TRMT9B: variants seen among roughly 807,000 people sequenced by gnomAD.
TRMT9B encodes probable tRNA methyltransferase 9B.
A neutral mutation model predicts 11.5 loss-of-function variants in TRMT9B; 16 were observed. The observed-to-expected ratio is 1.39, with a 90% CI of 0.94 to 2.11. The LOEUF is 2.11. Among genes scored for constraint, TRMT9B ranks in the 30% most tolerant of loss-of-function variants. The pLI is 0.00. For synonymous variants in TRMT9B, 274 were observed against 192.4 expected, an observed-to-expected ratio of 1.42 and a Z score of -3.51; for missense variants, 941 against 553.8, an observed-to-expected ratio of 1.70 and a Z score of -7.02.
At chr8:13,020,509 T>C (rs17786052) in intron 4 of TRMT9B, among the ~76,000 whole-genome samples, 7,319 of 152,306 alleles carry the variant, frequency 0.048, 227 homozygotes, top group South Asian at 0.093. Flanking sequence ...CTTTGCATTA[T>C]CTAGACAGAG....
chr8:13,011,779 G>A (rs529710121), intron 3 of TRMT9B: 23 of 952,568 alleles, frequency 2.4e-5, no homozygotes, highest in Non-Finnish European at 2.7e-5. Flanking sequence ...AATCTGAGTT[G>A]TATACTGGAC....
intron 1 of TRMT9B, chr8:12,952,323 G>C (rs907734537): frequency 2.9e-6 from 1 of 339,792 alleles, no homozygotes. Flanking sequence ...CGTCTAGCGC[G>C]TGCCCCGGAG....
At chr8:13,001,557 AT>A (rs1809462154) in intron 2 of TRMT9B, among the ~76,000 whole-genome samples, 1 of 152,258 alleles carries the variant, frequency 6.6e-6, no homozygotes, top group South Asian at 2.1e-4. Flanking sequence ...TTTTGGGGAC[AT>A]TCTTAAATTG....
chr8:13,012,981 A>T (rs1811939484), intron 4 of TRMT9B, 124 bp downstream of exon 4: 4 of 1,232,538 alleles, frequency 3.2e-6, no homozygotes, highest in Non-Finnish European at 4.2e-6. Flanking sequence ...TATCTAATTT[A>T]AAAAAATTGT....
chr8:13,020,961 G>C, intron 4 of TRMT9B, 47 bp from the exon 5 acceptor site: 2 of 1,307,332 alleles, frequency 1.5e-6, no homozygotes, highest in South Asian at 1.5e-5. Flanking sequence ...ACGTGTGTGG[G>C]TTTATGTGTG....
In TRMT9B at chr8:13,025,071, C is replaced by T. The variant is rs983293758; in HGVS notation, c.*3027C>T. On this transcript the variant is annotated 3_prime_UTR_variant, in exon 5 of 5. Transcript: ENST00000524591. ...CTTGCTTGATGATAGATTCTACTGA[C>T]CTAGCTGGAGTAATCTGATCACTTA... is the stretch of plus-strand genomic sequence containing the variant. 6.0e-6 allele frequency: 1 copy of T among 166,932 alleles called. No individual in the cohort carries two copies. Among genetic ancestry groups the T allele is most frequent in the Non-Finnish European group, 1.5e-5 (1 of 68,122 alleles). 10.3% of individuals were successfully genotyped at this position (166,932 alleles called of 1,614,324 possible). A position where few individuals can be genotyped will look rare whatever the true frequency, so the allele number is the denominator to read the frequency against.
At position 13,023,390 on chromosome 8, in the gene TRMT9B, G is replaced by A. The variant is rs1029171184; in HGVS notation, c.*1346G>A. On this transcript the variant is annotated 3_prime_UTR_variant, in exon 5 of 5. Transcript: ENST00000524591. ...TATCTGGGCATTTATTTTATTGAAGGTGACTACATTTTATTAGTTATATTA... is the reference window on the plus strand; with the variant it reads ...TATCTGGGCATTTATTTTATTGAAGATGACTACATTTTATTAGTTATATTA... 1.2e-5 allele frequency: 2 copies of A among 167,004 alleles called. No individual in the cohort carries two copies. The highest frequency in any genetic ancestry group is 1.5e-5 in the Non-Finnish European group (1 of 68,112). The allele number at this position is 167,004 out of a possible 1,614,324, so 10.3% of individuals were successfully genotyped here. A position where few individuals can be genotyped will look rare whatever the true frequency, so the allele number is the denominator to read the frequency against.
At chr8:13,012,939 G>A (rs907452636) in intron 4 of TRMT9B, 82 bp downstream of exon 4, 14 of 1,461,020 alleles carry the variant, frequency 9.6e-6, no homozygotes, top group African/African-American at 4.2e-5. Context: ...CTCAACATCC[G>A]TTCTGTGTAG....
intron 1 of TRMT9B, among the ~76,000 whole-genome samples, chr8:12,957,878 G>T (rs867121675): frequency 3.4e-4 from 51 of 152,176 alleles, no homozygotes; most frequent in African/African-American, 1.2e-3. Context: ...AACCATCGCT[G>T]CCATCCATCT....
At chr8:12,979,090 T>G (rs529312975) in intron 1 of TRMT9B, among the ~76,000 whole-genome samples, 103 of 152,270 alleles carry the variant, frequency 6.8e-4, no homozygotes, top group African/African-American at 2.4e-3. Context: ...TGGTGTGGAA[T>G]GGGCTGAGCT....
At chr8:12,963,732 G>A (rs1254531199) in intron 1 of TRMT9B, among the ~76,000 whole-genome samples, 1 of 152,220 alleles carries the variant, frequency 6.6e-6, no homozygotes, top group Non-Finnish European at 1.5e-5. Context: ...CTGCGCAGCA[G>A]AAGAAGACCC....
In TRMT9B at chr8:12,961,902, G is replaced by A. The variant is rs545001650; in HGVS notation, c.-200+15936G>A. ...TTTCACCCAGGCTTTTAGCAGGCGAGGAGAATATATTCAATCAGACTTCTC... is the reference window on the plus strand; with the variant it reads ...TTTCACCCAGGCTTTTAGCAGGCGAAGAGAATATATTCAATCAGACTTCTC... On this transcript the variant is annotated intron_variant, in intron 1 of 4. Transcript: ENST00000524591. 34 of 152,304 alleles carry A rather than the reference G, an allele frequency of 2.2e-4. 1 individual carries two copies. Among genetic ancestry groups the A allele is most frequent in the African/African-American group, 7.2e-4 (30 of 41,524 alleles). The allele number at this position is 152,304 out of a possible 1,614,324, so 9.4% of individuals were successfully genotyped here.
In TRMT9B at chr8:13,021,164, G is replaced by C; in HGVS notation, c.485G>C (p.Arg162Thr). The C allele has an allele frequency of 1.9e-6, 3 of 1,613,930 alleles. No homozygotes were observed. The highest frequency in any genetic ancestry group is 4.5e-5 in the East Asian group (2 of 44,880). Reference protein sequence around the residue: ...EKQDVLVPWNRALCSQLFSES... With the variant: ...EKQDVLVPWNTALCSQLFSES... ...CAAGACGTGCTTGTTCCATGGAACA[G>C]GGCTCTGTGTTCCCAGCTCTTCTCA... The change falls in exon 5 of 5, where the codon AGG (arginine) becomes ACG (threonine). Residue 162 changes from arginine (R) to threonine (T), a missense_variant. Coordinates refer to ENST00000524591, the MANE Select transcript of TRMT9B (RefSeq NM_020844.3).
At chr8:12,990,075 C>A (rs960286483) in intron 1 of TRMT9B, among the ~76,000 whole-genome samples, 8 of 152,116 alleles carry the variant, frequency 5.3e-5, no homozygotes, top group African/African-American at 1.9e-4. Context: ...ACGCACCCTG[C>A]CATCGTGAGA....
chr8:12,999,296 C>A (rs1218508137), intron 2 of TRMT9B, among the ~76,000 whole-genome samples: 4 of 104,180 alleles, frequency 3.8e-5, no homozygotes, highest in African/African-American at 1.6e-4. Context: ...GAGACTCCAT[C>A]TCAAAAAAAA....
rs1456817214 is a variant in TRMT9B at position 13,028,030 on chromosome 8, G to C, written c.*5986G>C. 2.4e-5 allele frequency: 4 copies of C among 166,946 alleles called. No homozygotes were observed. Among genetic ancestry groups the C allele is most frequent in the Admixed American group, 6.5e-5 (1 of 15,280 alleles). 10.3% of individuals were successfully genotyped at this position (166,946 alleles called of 1,614,324 possible). The stretch of plus-strand genomic sequence containing the variant: ...TTGCAAATGAAAGAGCTCAGCATGA[G>C]AGCACAATCAGAAACTGAAGAGAGT... On this transcript the variant is annotated 3_prime_UTR_variant, in exon 5 of 5. Transcript: ENST00000524591.
chr8:12,992,848 G>A (rs978610132), intron 2 of TRMT9B, among the ~76,000 whole-genome samples: 1 of 152,090 alleles, frequency 6.6e-6, no homozygotes, highest in Non-Finnish European at 1.5e-5. Flanking sequence ...CAGCCTAGGA[G>A]ACAGAGCAAG....
intron 1 of TRMT9B, among the ~76,000 whole-genome samples, chr8:12,972,308 C>T (rs1303569163): frequency 1.3e-5 from 2 of 152,218 alleles, no homozygotes; most frequent in South Asian, 2.1e-4. Context: ...CGGGGCTGGC[C>T]GGCTGGTGCG....
At chr8:12,950,254 C>G (rs1322188341) in intron 1 of TRMT9B, among the ~76,000 whole-genome samples, 3 of 152,212 alleles carry the variant, frequency 2.0e-5, no homozygotes, top group African/African-American at 7.2e-5. Flanking sequence ...TGTTTTCCTA[C>G]AAAAGTTAAG....
Sources: gnomAD v4.1 joint callset for allele counts (sites outside exome capture counted in the v4.1 genomes callset) on GRCh38, gnomAD v4.1.1 for gene constraint, MANE v1.5 for transcripts, NCBI Gene and HGNC (gene_info 2026-07-23, HGNC 2026-07-21) for gene names.